PCBP3: variants seen among roughly 807,000 people sequenced by gnomAD.
PCBP3 encodes poly(rC)-binding protein 3.
In PCBP3, 25 loss-of-function variants were observed where a neutral mutation model predicts 52.7. That is an observed-to-expected ratio of 0.47 (90% CI 0.35 to 0.66). PCBP3 has a LOEUF of 0.66. PCBP3 is among the 30% of genes least tolerant of loss of function. The pLI is 0.01. For missense variants in PCBP3, 391 were observed against 490.3 expected (o/e 0.80, Z 1.91); for synonymous variants, 162 against 183.0 (o/e 0.89, Z 0.93).
At chr21:45,923,218 T>A (rs71324455) in intron 13 of PCBP3, among the ~76,000 whole-genome samples, 6,166 of 152,154 alleles carry the variant, frequency 0.041, 178 homozygotes, top group Non-Finnish European at 0.064. Flanking sequence ...TGTGGGGAGG[T>A]GGGTGAGGGG....
rs2081890437 is a variant in PCBP3, at chr21:45,682,109, C to G, written c.-200+13157C>G. 2.6e-5 allele frequency among the ~76,000 whole-genome samples: 4 copies of G among 152,186 alleles called. No individual in the cohort carries two copies. In the Middle Eastern group the frequency reaches 0.01, roughly 388 times the overall value. ...TTTCTGTGGGTTTGTCTGGAGTGAG[C>G]AGTTATTTTGTTAAAGTTTTCTGTC... On this transcript the variant is annotated intron_variant, in intron 2 of 17. Coordinates refer to ENST00000681687, the MANE Select transcript of PCBP3 (RefSeq NM_001384156.1).
At chr21:45,824,108 A>G (rs186246994) in intron 4 of PCBP3, among the ~76,000 whole-genome samples, 230 of 152,304 alleles carry the variant, frequency 1.5e-3, no homozygotes, top group Non-Finnish European at 2.4e-3. Flanking sequence ...CCAGCATCCT[A>G]AAGTGGCTAT....
chr21:45,828,447 G>A (rs954019576), intron 4 of PCBP3: 1 of 152,162 alleles, frequency 6.6e-6, no homozygotes, highest in African/African-American at 2.4e-5. Context: ...CAGTATACAT[G>A]GGTGGGATCA....
chr21:45,760,175 GTTTTTCTA>G (rs1033641023), intron 4 of PCBP3: 11 of 152,232 alleles, frequency 7.2e-5, no homozygotes, highest in Admixed American at 5.2e-4. Context: ...AAGTATTTCT[GTTTTTCTA>G]GAGACAGGGT....
intron 15 of PCBP3, among the ~76,000 whole-genome samples, chr21:45,933,445 C>T (rs2076542851): frequency 6.6e-6 from 1 of 152,200 alleles, no homozygotes; most frequent in African/African-American, 2.4e-5. Context: ...TCAAAATATC[C>T]CAAGTTCAAC....
rs151171821 is a variant in PCBP3, at chr21:45,878,737, G to A, written c.11-17471G>A. 1.7e-3 allele frequency among the ~76,000 whole-genome samples: 257 copies of A among 152,336 alleles called. 8 individuals carry two copies. The East Asian group carries it at 0.042, about 25-fold the overall frequency. Reference sequence around the variant, plus strand: ...TCTGCATAAGATTTAAGTGATAACTGGAGTGTTACGACAATATTCAAACAG... The same window carrying A: ...TCTGCATAAGATTTAAGTGATAACTAGAGTGTTACGACAATATTCAAACAG... On this transcript the variant is annotated intron_variant, in intron 5 of 17. Coordinates refer to ENST00000681687, the MANE Select transcript of PCBP3 (RefSeq NM_001384156.1).
rs961920232 is a variant in PCBP3, at chr21:45,765,300, A to G, written c.-126+9848A>G. Among the ~76,000 whole-genome samples, 5 of 152,236 alleles carry G rather than the reference A, an allele frequency of 3.3e-5. No individual in the cohort carries two copies. The East Asian group carries it at 7.7e-4, about 23-fold the overall frequency. On this transcript the variant is annotated intron_variant, in intron 4 of 17. Transcript: ENST00000681687. ...CTGGGGCCTGGGAAACCCTTCCCACAGCACCATCTGCATCATCAGGTTGGG... is the reference window on the plus strand; with the variant it reads ...CTGGGGCCTGGGAAACCCTTCCCACGGCACCATCTGCATCATCAGGTTGGG...
intron 3 of PCBP3, among the ~76,000 whole-genome samples, chr21:45,743,667 G>C (rs1273538911): frequency 6.6e-6 from 1 of 152,184 alleles, no homozygotes; most frequent in Non-Finnish European, 1.5e-5. Flanking sequence ...AAGGGTTGGA[G>C]TTACCGTTAG....
chr21:45,779,712 A>G (rs138057151), intron 4 of PCBP3, among the ~76,000 whole-genome samples: 18 of 152,372 alleles, frequency 1.2e-4, no homozygotes, highest in African/African-American at 4.3e-4. Flanking sequence ...TTGAAGATAA[A>G]TACATTGAGA....
intron 5 of PCBP3, among the ~76,000 whole-genome samples, chr21:45,894,390 GA>G (rs1257596974): frequency 6.6e-6 from 1 of 151,998 alleles, no homozygotes; most frequent in African/African-American, 2.4e-5. Context: ...GGGAGGCACA[GA>G]GCTCCAGACC....
intron 2 of PCBP3, among the ~76,000 whole-genome samples, chr21:45,670,061 G>A (rs1012936752): frequency 1.3e-5 from 2 of 151,462 alleles, no homozygotes; most frequent in African/African-American, 2.4e-5. Context: ...TAGCAGCTCC[G>A]CATTTTACAT....
rs7275491 is a variant in PCBP3, at chr21:45,831,899, C to T, written c.-125-18062C>T. On this transcript the variant is annotated intron_variant, in intron 4 of 17. Coordinates refer to ENST00000681687, the MANE Select transcript of PCBP3 (RefSeq NM_001384156.1). ...CTAATTTTTGTATTTTTAGTAGAGA[C>T]AGGATTTCATAATGTTGGCCAGGAT... Among the ~76,000 whole-genome samples the T allele has an allele frequency of 5.3e-3, 803 of 152,158 alleles. 4 individuals are homozygous for T. Among genetic ancestry groups the T allele is most frequent in the African/African-American group, 0.018 (751 of 41,486 alleles).
intron 2 of PCBP3, among the ~76,000 whole-genome samples, chr21:45,728,421 T>C (rs2148426871): frequency 6.6e-6 from 1 of 152,370 alleles, no homozygotes; most frequent in Non-Finnish European, 1.5e-5. Flanking sequence ...CCAGTTGCAT[T>C]TCTGGGTTAA....
At chr21:45,819,810 CGGGCACA>C (rs1967073254) in intron 4 of PCBP3, among the ~76,000 whole-genome samples, 1 of 152,234 alleles carries the variant, frequency 6.6e-6, no homozygotes, top group African/African-American at 2.4e-5. Context: ...GATGGGTGTG[CGGGCACA>C]GGGCCTCTGC....
At chr21:45,832,761 A>G (rs1357860419) in intron 4 of PCBP3, 2 of 152,198 alleles carry the variant, frequency 1.3e-5, no homozygotes, top group African/African-American at 2.4e-5. Flanking sequence ...AGATTGGGTA[A>G]TTTATAAAGG....
At chr21:45,897,371 C>T (rs1451144880) in intron 6 of PCBP3, among the ~76,000 whole-genome samples, 1 of 152,340 alleles carries the variant, frequency 6.6e-6, no homozygotes, top group East Asian at 1.9e-4. Context: ...GCACTTTCTG[C>T]ACAGCGTGTG....
At position 45,928,497 on chromosome 21, in the gene PCBP3, A is replaced by G. The variant is rs2075773684; in HGVS notation, c.718-1420A>G. On this transcript the variant is annotated intron_variant, in intron 13 of 17. Transcript: ENST00000681687. The surrounding 1 kb of genome is among the most constrained non-coding windows in gnomAD (Gnocchi z 4.1). Reference sequence around the variant, plus strand: ...AGGGCTCCCAGCTCCTGAGAGGCCAAGTTCAAACCCACCCAGGAGCACACA... The same window carrying G: ...AGGGCTCCCAGCTCCTGAGAGGCCAGGTTCAAACCCACCCAGGAGCACACA... Among the ~76,000 whole-genome samples, 1 of 152,140 alleles carries G rather than the reference A, an allele frequency of 6.6e-6. No individual in the cohort carries two copies. Among genetic ancestry groups the G allele is most frequent in the Non-Finnish European group, 1.5e-5 (1 of 68,010 alleles).
chr21:45,864,647 T>C (rs2094639913), intron 5 of PCBP3, among the ~76,000 whole-genome samples: 2 of 152,192 alleles, frequency 1.3e-5, no homozygotes, highest in Non-Finnish European at 2.9e-5. Flanking sequence ...TTTAGTCACA[T>C]TTCCTGCTCC....
intron 4 of PCBP3, among the ~76,000 whole-genome samples, chr21:45,849,723 G>C (rs2093919737): frequency 6.6e-6 from 1 of 152,234 alleles, no homozygotes; most frequent in African/African-American, 2.4e-5. Context: ...CGTCTCACTT[G>C]TGAAGTGGAA....
Sources: gnomAD v4.1 joint callset for allele counts (sites outside exome capture counted in the v4.1 genomes callset) on GRCh38, gnomAD v4.1.1 for gene constraint, Gnocchi (gnomAD v3.1) non-coding constraint, MANE v1.5 for transcripts, NCBI Gene and HGNC (gene_info 2026-07-23, HGNC 2026-07-21) for gene names.